The following WDR75 variants were observed in gnomAD, a reference collection of about 807,000 sequenced individuals.
WDR75 encodes WD repeat-containing protein 75.
Under a neutral mutation model 106.1 loss-of-function variants are expected in WDR75, and 52 were observed. That is an observed-to-expected ratio of 0.49 (90% CI 0.39 to 0.62). WDR75 has a LOEUF of 0.62. Among genes scored for constraint, WDR75 ranks in the 20% least tolerant of loss-of-function variants. WDR75 has a pLI of 0.00. For missense variants in WDR75, 905 were observed against 970.3 expected (o/e 0.93, Z 0.89); for synonymous variants, 333 against 335.5 (o/e 0.99, Z 0.08).
chr2:189,457,924 C>CATTTT (rs1686772651), intron 6 of WDR75, among the ~76,000 whole-genome samples: 2 of 116,364 alleles, frequency 1.7e-5, no homozygotes, highest in Non-Finnish European at 3.3e-5. Context: ...GCCAAGATTG[C>CATTTT]TTTTTTTTTT....
At chr2:189,447,094 A>G (rs1190905490) in intron 1 of WDR75, among the ~76,000 whole-genome samples, 1 of 152,228 alleles carries the variant, frequency 6.6e-6, no homozygotes, top group Non-Finnish European at 1.5e-5. Context: ...GGAATTTTCC[A>G]TTTAATATTT....
intron 1 of WDR75, among the ~76,000 whole-genome samples, chr2:189,445,223 A>G (rs963820781): frequency 5.3e-5 from 8 of 152,232 alleles, no homozygotes; most frequent in Non-Finnish European, 8.8e-5. Flanking sequence ...AAATTCTCCA[A>G]CATCATTCAG....
chr2:189,462,649 C>G lies in WDR75; in HGVS notation c.937+7C>G. ...ACTTCTCACTCTGATAATAGTAAGT[C>G]TAAATTTTTTATTATGAGGAAATAT... is the stretch of plus-strand genomic sequence containing the variant. On this transcript the variant is annotated splice_region_variant and intron_variant, in intron 9 of 20. Coordinates refer to ENST00000314761, the MANE Select transcript of WDR75 (RefSeq NM_032168.3). 6.2e-7 allele frequency: 1 copy of G among 1,611,950 alleles called. No individual in the cohort carries two copies. The highest frequency in any genetic ancestry group is 8.5e-7 in the Non-Finnish European group (1 of 1,178,858).
intron 8 of WDR75, among the ~76,000 whole-genome samples, chr2:189,460,549 A>C (rs540686541): frequency 6.6e-6 from 1 of 151,538 alleles, no homozygotes; most frequent in African/African-American, 2.4e-5. Context: ...TTGTTACCCA[A>C]GCTGGAGTGC....
At chr2:189,472,677 C>T (rs1384680590) in intron 18 of WDR75, among the ~76,000 whole-genome samples, 1 of 152,038 alleles carries the variant, frequency 6.6e-6, no homozygotes, top group Admixed American at 6.6e-5. Context: ...GTTAAAAAGC[C>T]ACTTGGAAGT....
intron 19 of WDR75, 115 bp downstream of exon 19, chr2:189,474,447 C>A: frequency 8.2e-7 from 1 of 1,224,502 alleles, no homozygotes; most frequent in Non-Finnish European, 1.1e-6. Context: ...AATACCCAAA[C>A]TAAATAACTA....
chr2:189,472,725 A>G (rs748714431), intron 18 of WDR75, among the ~76,000 whole-genome samples: 11 of 152,210 alleles, frequency 7.2e-5, no homozygotes, highest in East Asian at 5.8e-4. Flanking sequence ...GGCTTCCACT[A>G]TCTGAGCTAA....
rs761787486 is a variant in WDR75 at position 189,463,728 on chromosome 2, C to T, written c.972C>T (p.Ser324=). The stretch of plus-strand genomic sequence containing the variant: ...TTATTCACCGAAACCTTGAAGCATC[C>T]GCAGTAATTCAAGGCCTAGTGAAAG... ...IIIIHRNLEA[S]AVIQGLVKDR... The change falls in exon 10 of 21, where the codon TCC becomes TCT. Residue 324 remains serine (S), a synonymous_variant. Coordinates refer to ENST00000314761, the MANE Select transcript of WDR75 (RefSeq NM_032168.3). 136 of 1,613,584 alleles carry T rather than the reference C, an allele frequency of 8.4e-5. 1 individual carries two copies. The highest frequency in any genetic ancestry group is 6.6e-4 in the Middle Eastern group (4 of 6,084).
In WDR75 at chr2:189,441,509, A is replaced by C. The variant is rs749350838; in HGVS notation, c.17A>C (p.Asn6Thr). Reference sequence around the variant, plus strand: ...TGCGCAAAGATGGTGGAGGAGGAGAACATCCGCGTGGTTCGTTGTGGCGGC... The same window carrying C: ...TGCGCAAAGATGGTGGAGGAGGAGACCATCCGCGTGGTTCGTTGTGGCGGC... MVEEE[N>T]IRVVRCGGSE... The change falls in exon 1 of 21, where the codon AAC becomes ACC. Residue 6 changes from asparagine to threonine, a missense_variant. Transcript: ENST00000314761. The C allele has an allele frequency of 1.3e-6, 2 of 1,565,184 alleles. No individual in the cohort carries two copies. The highest frequency in any genetic ancestry group is 2.7e-5 in the African/African-American group (2 of 73,852).
rs910164948 is a variant in WDR75 at position 189,462,479 on chromosome 2, T to C, written c.779-5T>C. On this transcript the variant is annotated splice_polypyrimidine_tract_variant and splice_region_variant and intron_variant, in intron 8 of 20. Coordinates refer to ENST00000314761, the MANE Select transcript of WDR75 (RefSeq NM_032168.3). ...TCCTTTTAATTTCCTTGAATGGATA[T>C]GAAGGCACCAGTCTGCTGAGTGGCG... 4 of 1,613,350 alleles carry C rather than the reference T, an allele frequency of 2.5e-6. No individual in the cohort carries two copies. The highest frequency in any genetic ancestry group is 3.4e-6 in the Non-Finnish European group (4 of 1,179,594).
At position 189,474,320 on chromosome 2, in the gene WDR75, C is replaced by T. The variant is rs372024425; in HGVS notation, c.2184C>T (p.Pro728=). ...AACTACCCTTAACAGAAAACATACC[C>T]GCAATTAGTGAGGTAAGTAATTATG... ...LVQLPLTENI[P]AISELLHTPA... is the part of the protein sequence containing the mutation. The change falls in exon 19 of 21, where the codon CCC becomes CCT. Residue 728 remains proline (P), a synonymous_variant. Transcript: ENST00000314761. 2.3e-5 allele frequency: 37 copies of T among 1,608,432 alleles called. No homozygotes were observed. The highest frequency in any genetic ancestry group is 1.2e-4 in the African/African-American group (9 of 74,664).
In WDR75 at chr2:189,465,142, G is replaced by A; in HGVS notation, c.1177G>A (p.Ala393Thr). 1 of 1,612,864 alleles carries A rather than the reference G, an allele frequency of 6.2e-7. No homozygotes were observed. Among genetic ancestry groups the A allele is most frequent in the Non-Finnish European group, 8.5e-7 (1 of 1,179,200 alleles). ...YGLIQIELTK[A>T]AFGCFGNWLA... is the part of the protein sequence containing the mutation. Reference sequence around the variant, plus strand: ...TCTGATCCAAATTGAACTAACAAAGGCTGCATTTGGCTGCTTTGGTAACTG... The same window carrying A: ...TCTGATCCAAATTGAACTAACAAAGACTGCATTTGGCTGCTTTGGTAACTG... Residue 393 changes from alanine (A) to threonine (T), a missense_variant, in exon 12 of 21, where the codon GCT (alanine) becomes ACT (threonine). By Grantham distance (58) the Ala-to-Thr change is moderately conservative (BLOSUM62 0). Coordinates refer to ENST00000314761, the MANE Select transcript of WDR75 (RefSeq NM_032168.3).
intron 2 of WDR75, 173 bp downstream of exon 2, chr2:189,448,681 A>G (rs1364366998): frequency 1.2e-6 from 1 of 805,594 alleles, no homozygotes; most frequent in Non-Finnish European, 2.1e-6. Flanking sequence ...TATTCTGTGA[A>G]CCATTTGTTC....
At chr2:189,453,550 A>G (rs556148476) in intron 4 of WDR75, among the ~76,000 whole-genome samples, 1 of 152,350 alleles carries the variant, frequency 6.6e-6, no homozygotes, top group Non-Finnish European at 1.5e-5. Flanking sequence ...TGTGTCTAAT[A>G]TGCAAGACAG....
chr2:189,453,590 T>C (rs1295208897), intron 4 of WDR75, among the ~76,000 whole-genome samples: 1 of 152,158 alleles, frequency 6.6e-6, no homozygotes, highest in Non-Finnish European at 1.5e-5. Context: ...AAAGTAAAGA[T>C]CTTGTGTTGT....
chr2:189,465,664 C>A (rs1042010910), intron 12 of WDR75, among the ~76,000 whole-genome samples: 1 of 152,118 alleles, frequency 6.6e-6, no homozygotes, highest in Non-Finnish European at 1.5e-5. Flanking sequence ...CGTACTGTGG[C>A]TATAATAACC....
In WDR75 at chr2:189,450,930, A is replaced by T. The variant is rs1401919552; in HGVS notation, c.244A>T (p.Ile82Phe). ...GTATTCTTGTTCCCTTGATGGCACA[A>T]TTAAACTGTGGGACTATATAGATGG... Reference protein sequence around the residue: ...QLYSCSLDGTIKLWDYIDGIL... With the variant: ...QLYSCSLDGTFKLWDYIDGIL... Residue 82 changes from isoleucine (I) to phenylalanine (F), a missense_variant, in exon 3 of 21, where the codon ATT becomes TTT. Physicochemically the swap from Ile to Phe is conservative, Grantham distance 21. Coordinates refer to ENST00000314761, the MANE Select transcript of WDR75 (RefSeq NM_032168.3). 6.2e-7 allele frequency: 1 copy of T among 1,611,264 alleles called. No individual in the cohort carries two copies. Among genetic ancestry groups the T allele is most frequent in the African/African-American group, 1.3e-5 (1 of 74,804 alleles).
intron 15 of WDR75, 141 bp downstream of exon 15, chr2:189,468,710 C>A: frequency 2.8e-6 from 2 of 706,242 alleles, no homozygotes; most frequent in Non-Finnish European, 4.7e-6. Context: ...ATGATGCCAC[C>A]AAAATTTGGA....
intron 2 of WDR75, chr2:189,450,336 TG>T (rs1307513972): frequency 1.0e-6 from 1 of 974,588 alleles, no homozygotes; most frequent in African/African-American, 1.8e-5. Flanking sequence ...AGCTCTTGTG[TG>T]GGTGTTTTTG....
Sources: gnomAD v4.1 joint callset for allele counts (sites outside exome capture counted in the v4.1 genomes callset) on GRCh38, gnomAD v4.1.1 for gene constraint, MANE v1.5 for transcripts, NCBI Gene and HGNC (gene_info 2026-07-23, HGNC 2026-07-21) for gene names.